Variants in KCNQ5 observed in about 807,000 individuals in gnomAD.
KCNQ5 encodes the protein potassium voltage-gated channel subfamily Q member 5, also known as potassium voltage-gated channel subfamily KQT member 5.
A neutral mutation model predicts 98.2 loss-of-function variants in KCNQ5; 30 were observed. The ratio of observed to expected loss-of-function variants is 0.31; its 90% CI spans 0.23 to 0.41. The LOEUF is 0.41. KCNQ5 is among the 10% of genes least tolerant of loss of function. KCNQ5 has a pLI of 1.00. For synonymous variants in KCNQ5, 458 were observed against 449.4 expected, an observed-to-expected ratio of 1.02 and a Z score of -0.24; for missense variants, 835 against 1,182.5, an observed-to-expected ratio of 0.71 and a Z score of 4.31.
At chr6:72,663,890 T>C (rs1766652345) in intron 1 of KCNQ5, among the ~76,000 whole-genome samples, 1 of 152,348 alleles carries the variant, frequency 6.6e-6, no homozygotes, top group East Asian at 1.9e-4. Context: ...TTCAAGTATA[T>C]TATCTGTACT....
intron 1 of KCNQ5, among the ~76,000 whole-genome samples, chr6:72,953,409 G>A (rs1320786799): frequency 6.6e-6 from 1 of 152,196 alleles, no homozygotes; most frequent in Non-Finnish European, 1.5e-5. Flanking sequence ...GTTGAACCCA[G>A]TGTGTGTTTT....
chr6:73,011,808 C>G (rs1376403016), intron 2 of KCNQ5, among the ~76,000 whole-genome samples: 1 of 151,656 alleles, frequency 6.6e-6, no homozygotes, highest in Non-Finnish European at 1.5e-5. Flanking sequence ...GAGCAAAGGA[C>G]TTGAATAAAC....
chr6:73,100,128 A>C (rs1774702247), intron 5 of KCNQ5, among the ~76,000 whole-genome samples: 1 of 152,262 alleles, frequency 6.6e-6, no homozygotes, highest in Non-Finnish European at 1.5e-5. Context: ...AGCAAATTGA[A>C]AAATGTCTTG....
intron 11 of KCNQ5, among the ~76,000 whole-genome samples, chr6:73,189,309 T>C (rs185520755): frequency 2.6e-5 from 4 of 152,200 alleles, no homozygotes; most frequent in African/African-American, 9.6e-5. Flanking sequence ...TGGTGAAAAA[T>C]ATGTGGTTAG....
intron 5 of KCNQ5, among the ~76,000 whole-genome samples, chr6:73,078,442 A>G (rs1417627063): frequency 6.6e-6 from 1 of 152,212 alleles, no homozygotes; most frequent in Non-Finnish European, 1.5e-5. Flanking sequence ...TAAATAAAGT[A>G]AAATCATGAT....
chr6:72,623,468 A>T (rs1208340232), intron 1 of KCNQ5, among the ~76,000 whole-genome samples: 1 of 150,978 alleles, frequency 6.6e-6, no homozygotes, highest in Non-Finnish European at 1.5e-5. Context: ...TTAATGAGAA[A>T]ATGATTGGAA....
At chr6:72,796,664 C>T (rs139451346) in intron 1 of KCNQ5, among the ~76,000 whole-genome samples, 1 of 152,332 alleles carries the variant, frequency 6.6e-6, no homozygotes, top group Non-Finnish European at 1.5e-5. Flanking sequence ...AGTGGCCAGA[C>T]TCTTCATTCC....
intron 1 of KCNQ5, among the ~76,000 whole-genome samples, chr6:72,675,803 T>C (rs1767378526): frequency 6.6e-6 from 1 of 152,190 alleles, no homozygotes; most frequent in African/African-American, 2.4e-5. Context: ...ATACCATTAA[T>C]ATTTAGAAGG....
chr6:72,856,496 G>T (rs1035758085), intron 1 of KCNQ5, among the ~76,000 whole-genome samples: 1 of 116,636 alleles, frequency 8.6e-6, no homozygotes, highest in African/African-American at 3.1e-5. Flanking sequence ...ACACACACAC[G>T]TGTGTGTATT....
At chr6:73,100,100 T>A (rs973399343) in intron 5 of KCNQ5, among the ~76,000 whole-genome samples, 1 of 152,098 alleles carries the variant, frequency 6.6e-6, no homozygotes, top group South Asian at 2.1e-4. Context: ...GACCAATGGG[T>A]CAATGAAGAG....
intron 1 of KCNQ5, among the ~76,000 whole-genome samples, chr6:72,918,894 G>A (rs555119253): frequency 6.6e-6 from 1 of 152,204 alleles, no homozygotes; most frequent in Non-Finnish European, 1.5e-5. Flanking sequence ...AAAGACTAGA[G>A]CTAGAAAGAG....
chr6:72,986,739 G>A (rs543023310), intron 1 of KCNQ5: 2 of 1,464,218 alleles, frequency 1.4e-6, no homozygotes, highest in East Asian at 2.3e-5. Flanking sequence ...CATGCCTCTG[G>A]GGTGAAAACC....
rs192666888 is a variant in KCNQ5, at chr6:72,764,128, A to G, written c.398+141541A>G. 3.2e-4 allele frequency among the ~76,000 whole-genome samples: 48 copies of G among 152,130 alleles called. No homozygotes were observed. In the East Asian group the frequency reaches 7.6e-3, roughly 24 times the overall value. ...GAAAGGCTGCATTTGCCAAGGTCAT[A>G]CTTAGAACACTGGGAAATGTTCATA... On this transcript the variant is annotated intron_variant, in intron 1 of 13. Coordinates refer to ENST00000370398, the MANE Select transcript of KCNQ5 (RefSeq NM_019842.4).
intron 1 of KCNQ5, among the ~76,000 whole-genome samples, chr6:72,733,152 A>G (rs1165055003): frequency 3.9e-5 from 6 of 152,194 alleles, no homozygotes; most frequent in Non-Finnish European, 5.9e-5. Flanking sequence ...GCCTTAAGCC[A>G]TGCTGTGACT....
At chr6:73,082,994 A>T (rs1374025275) in intron 5 of KCNQ5, among the ~76,000 whole-genome samples, 1 of 150,062 alleles carries the variant, frequency 6.7e-6, no homozygotes, top group Non-Finnish European at 1.5e-5. Context: ...AGGTTCGAGC[A>T]GCCCTCCCGC....
intron 1 of KCNQ5, among the ~76,000 whole-genome samples, chr6:72,927,383 A>G (rs1765475760): frequency 6.6e-6 from 1 of 152,134 alleles, no homozygotes; most frequent in African/African-American, 2.4e-5. Context: ...TGTTTATACT[A>G]CAAATCGGAG....
intron 7 of KCNQ5, among the ~76,000 whole-genome samples, chr6:73,117,282 T>G (rs958367275): frequency 6.6e-6 from 1 of 152,174 alleles, no homozygotes; most frequent in Non-Finnish European, 1.5e-5. Context: ...CAAAATAAAG[T>G]TATTAGAGTG....
intron 5 of KCNQ5, among the ~76,000 whole-genome samples, chr6:73,088,391 T>TA (rs1385155296): frequency 2.0e-5 from 3 of 152,192 alleles, no homozygotes; most frequent in Non-Finnish European, 4.4e-5. Flanking sequence ...CTCCATTCTC[T>TA]ATTGAGTTTC....
intron 1 of KCNQ5, among the ~76,000 whole-genome samples, chr6:72,673,829 C>T (rs949197694): frequency 1.3e-5 from 2 of 152,146 alleles, no homozygotes; most frequent in African/African-American, 4.8e-5. Context: ...GAGAGGGTCA[C>T]CAGATTGGAC....
Sources: gnomAD v4.1 joint callset for allele counts (sites outside exome capture counted in the v4.1 genomes callset) on GRCh38, gnomAD v4.1.1 for gene constraint, MANE v1.5 for transcripts, NCBI Gene and HGNC (gene_info 2026-07-23, HGNC 2026-07-21) for gene names.